Variants in EXTL3 observed in about 807,000 individuals in gnomAD.
EXTL3 encodes exostosin like glycosyltransferase 3, also known as exostosin-like 3.
In EXTL3, 27 loss-of-function variants were observed where a neutral mutation model predicts 69.3. The ratio of observed to expected loss-of-function variants is 0.39; its 90% CI spans 0.29 to 0.54. EXTL3 has a LOEUF of 0.54. EXTL3 is among the 20% of genes least tolerant of loss of function. EXTL3 has a pLI of 0.69. For missense variants in EXTL3, 1,003 were observed against 1,231.8 expected, an observed-to-expected ratio of 0.81 and a Z score of 2.78; for synonymous variants, 511 against 499.4, an observed-to-expected ratio of 1.02 and a Z score of -0.31.
intron 2 of EXTL3, among the ~76,000 whole-genome samples, chr8:28,616,677 CT>C (rs1563425410): frequency 6.6e-6 from 1 of 151,446 alleles, no homozygotes; most frequent in African/African-American, 2.4e-5. Context: ...TTGCCCAGGG[CT>C]GATACCGCCT....
intron 4 of EXTL3, among the ~76,000 whole-genome samples, chr8:28,736,093 C>T (rs923434103): frequency 6.6e-6 from 1 of 152,056 alleles, no homozygotes; most frequent in African/African-American, 2.4e-5. Context: ...TTGCACGACA[C>T]TGTGAATGTC....
chr8:28,655,412 G>T (rs1200626335), intron 1 of EXTL3, among the ~76,000 whole-genome samples: 1 of 151,954 alleles, frequency 6.6e-6, no homozygotes, highest in Non-Finnish European at 1.5e-5. Context: ...ATTTAAGCCG[G>T]AACGATCTGA....
At position 28,717,810 on chromosome 8, in the gene EXTL3, A is replaced by G; in HGVS notation, c.1751A>G (p.Tyr584Cys). Residue 584 changes from tyrosine (Y) to cysteine (C), a missense_variant, in exon 3 of 7, where the codon TAC becomes TGC. Around this residue, in one of 2 missense-constraint regions of EXTL3, gnomAD observed 742 missense variants for 815.4 expected, o/e 0.91. Transcript: ENST00000220562. This position sits in a 1 kb window ranked among gnomAD's most constrained non-coding sequence, Gnocchi z 8.3. ...GGGCCAGTGGAGACGGAGCCGCCCTACGCCTCACCCAGATACCTCCGCAAT... is the reference window on the plus strand; with the variant it reads ...GGGCCAGTGGAGACGGAGCCGCCCTGCGCCTCACCCAGATACCTCCGCAAT... ...DLGPVETEPP[Y>C]ASPRYLRNFT... The G allele has an allele frequency of 3.7e-6, 6 of 1,612,448 alleles. No individual in the cohort carries two copies. The highest frequency in any genetic ancestry group is 5.1e-6 in the Non-Finnish European group (6 of 1,178,684).
At chr8:28,660,916 T>A (rs181285) in intron 1 of EXTL3, among the ~76,000 whole-genome samples, 64,869 of 118,008 alleles carry the variant, frequency 0.55, 18,664 homozygotes, top group African/African-American at 0.59. Flanking sequence ...TTCGTTTCTT[T>A]TTTTTTTTTT....
intron 4 of EXTL3, among the ~76,000 whole-genome samples, chr8:28,735,814 A>AT (rs1188323411): frequency 6.6e-6 from 1 of 152,258 alleles, no homozygotes; most frequent in African/African-American, 2.4e-5. Flanking sequence ...CAGAAAAGGT[A>AT]TACCAAGAGA....
Position 28,623,471 on chromosome 8 carries a change from T to A in EXTL3, c.-53+661T>A, listed in dbSNP as rs1445457701. ...GCCCGGGAATAGGGGGCGCTCGGAA[T>A]GCTGAGTTTTGTTGGTGTTTGTCCT... On this transcript the variant is annotated intron_variant, in intron 1 of 6. Transcript: ENST00000523149. The surrounding 1 kb of genome is among the most constrained non-coding windows in gnomAD (Gnocchi z 4.2). 6.6e-6 allele frequency among the ~76,000 whole-genome samples: 1 copy of A among 152,214 alleles called. No individual in the cohort carries two copies. Among genetic ancestry groups the A allele is most frequent in the East Asian group, 1.9e-4 (1 of 5,200 alleles).
chr8:28,645,796 T>C (rs1585229140), intron 1 of EXTL3, among the ~76,000 whole-genome samples: 1 of 151,682 alleles, frequency 6.6e-6, no homozygotes, highest in East Asian at 1.9e-4. Context: ...TCTGAAGTGC[T>C]AGGATTACAA....
At chr8:28,667,364 G>A (rs1274260873) in intron 1 of EXTL3, among the ~76,000 whole-genome samples, 1 of 152,158 alleles carries the variant, frequency 6.6e-6, no homozygotes, top group African/African-American at 2.4e-5. Context: ...GTCAAGAAGA[G>A]CATTCAGAGG....
intron 1 of EXTL3, among the ~76,000 whole-genome samples, chr8:28,630,892 T>A (rs988694919): frequency 4.6e-5 from 7 of 152,198 alleles, no homozygotes; most frequent in Non-Finnish European, 1.0e-4. Flanking sequence ...GGAAGGCATG[T>A]CAGGAATGGC....
upstream of EXTL3, among the ~76,000 whole-genome samples, chr8:28,699,074 G>A (rs185878866): frequency 7.6e-3 from 1,161 of 152,294 alleles, 5 homozygotes; most frequent in South Asian, 0.015. Context: ...AGGCTGAGGC[G>A]GGAGGAACAT....
chr8:28,684,442 T>C (rs1175221417), intron 1 of EXTL3, among the ~76,000 whole-genome samples: 1 of 152,250 alleles, frequency 6.6e-6, no homozygotes, highest in Non-Finnish European at 1.5e-5. Flanking sequence ...TGTAAAAATA[T>C]TTTTTTATTT....
chr8:28,611,431 G>T (rs911433001), intron 2 of EXTL3, among the ~76,000 whole-genome samples: 6 of 152,090 alleles, frequency 3.9e-5, no homozygotes, highest in African/African-American at 1.4e-4. Context: ...TCCAGCCTGG[G>T]TGACAGAGTG....
At chr8:28,636,254 C>T (rs1806652605) in intron 1 of EXTL3, among the ~76,000 whole-genome samples, 1 of 151,670 alleles carries the variant, frequency 6.6e-6, no homozygotes. Flanking sequence ...ATTGCCTGAA[C>T]CCAGGAGGCG....
intron 6 of EXTL3, among the ~76,000 whole-genome samples, chr8:28,747,201 T>C (rs977025511): frequency 9.2e-5 from 14 of 152,152 alleles, no homozygotes; most frequent in Non-Finnish European, 2.9e-5. Flanking sequence ...AGAACATCCT[T>C]CCCCAGATTC....
chr8:28,703,111 G>A (rs1471447765), intron 1 of EXTL3, among the ~76,000 whole-genome samples: 1 of 152,218 alleles, frequency 6.6e-6, no homozygotes, highest in African/African-American at 2.4e-5. Flanking sequence ...TCGTTTGCTT[G>A]TGGGGAGCCG....
chr8:28,627,629 T>G (rs1418164070), intron 1 of EXTL3, among the ~76,000 whole-genome samples: 2 of 152,188 alleles, frequency 1.3e-5, no homozygotes, highest in Non-Finnish European at 2.9e-5. Flanking sequence ...TGAATAGATA[T>G]TTATACATCC....
At chr8:28,636,535 A>G (rs1331453930) in intron 1 of EXTL3, among the ~76,000 whole-genome samples, 2 of 152,018 alleles carry the variant, frequency 1.3e-5, no homozygotes, top group Non-Finnish European at 2.9e-5. Flanking sequence ...GTTGTCTGTA[A>G]CTTTGATCTC....
chr8:28,713,903 C>CTTTTTT (rs55737430), intron 2 of EXTL3, among the ~76,000 whole-genome samples: 82 of 113,740 alleles, frequency 7.2e-4, no homozygotes, highest in Non-Finnish European at 8.7e-4. Context: ...TTCTTTCTTT[C>CTTTTTT]TTTTTTTTTT....
chr8:28,675,956 AG>A (rs1334242637), intron 1 of EXTL3, among the ~76,000 whole-genome samples: 1 of 137,596 alleles, frequency 7.3e-6, no homozygotes, highest in Non-Finnish European at 1.5e-5. Flanking sequence ...TGGGAGGCGG[AG>A]GTTGCAGTGA....
Sources: allele counts gnomAD v4.1 joint callset (sites outside exome capture counted in the v4.1 genomes callset), GRCh38; gene constraint gnomAD v4.1.1; regional missense constraint gnomAD v4.1.1; non-coding constraint Gnocchi (gnomAD v3.1); transcripts MANE v1.5; gene names NCBI Gene and HGNC (gene_info 2026-07-23, HGNC 2026-07-21).